Variants in ANKRD44 observed in about 807,000 individuals in gnomAD.
ANKRD44 encodes the protein ankyrin repeat domain 44, also known as serine/threonine-protein phosphatase 6 regulatory ankyrin repeat subunit B.
A neutral mutation model predicts 116.0 loss-of-function variants in ANKRD44; 35 were observed. That is an observed-to-expected ratio of 0.30 (90% CI 0.23 to 0.40). The LOEUF is 0.40. Ranked by LOEUF, ANKRD44 falls within the 10% of genes least tolerant of loss-of-function variation. ANKRD44 has a pLI of 1.00. For synonymous variants in ANKRD44, 435 were observed against 461.8 expected (o/e 0.94, Z 0.74); for missense variants, 1,014 against 1,242.6 (o/e 0.82, Z 2.77).
At chr2:197,213,833 C>CTT (rs2081379152) in intron 1 of ANKRD44, among the ~76,000 whole-genome samples, 2 of 152,020 alleles carry the variant, frequency 1.3e-5, no homozygotes, top group Admixed American at 1.3e-4. Context: ...GCTTAGAACT[C>CTT]TTTCTCTTTT....
intron 10 of ANKRD44, among the ~76,000 whole-genome samples, chr2:197,096,987 C>A (rs1479681402): frequency 6.6e-6 from 1 of 152,180 alleles, no homozygotes; most frequent in Non-Finnish European, 1.5e-5. Flanking sequence ...GCAGACATGG[C>A]TCTTTCAGGC....
At chr2:196,992,914 T>C (rs1324165484) in intron 27 of ANKRD44, 1 of 152,676 alleles carries the variant, frequency 6.5e-6, no homozygotes, top group Non-Finnish European at 1.5e-5. Context: ...GTTCCTTTTT[T>C]GCTCCCCAAG....
intron 16 of ANKRD44, among the ~76,000 whole-genome samples, chr2:197,036,905 T>C (rs1008563851): frequency 6.6e-6 from 1 of 152,206 alleles, no homozygotes; most frequent in African/African-American, 2.4e-5. Flanking sequence ...TAGTGAAACA[T>C]TATGAACAAC....
At chr2:197,184,426 G>A (rs2080598377) in intron 2 of ANKRD44, among the ~76,000 whole-genome samples, 1 of 152,068 alleles carries the variant, frequency 6.6e-6, no homozygotes, top group Admixed American at 6.5e-5. Context: ...CAGATCACCT[G>A]AGGTGAGGAG....
chr2:197,257,683 C>T (rs946527820), intron 1 of ANKRD44, among the ~76,000 whole-genome samples: 5 of 152,162 alleles, frequency 3.3e-5, no homozygotes, highest in African/African-American at 1.2e-4. Context: ...TGTATCAAAA[C>T]ATTTCATGTA....
chr2:197,276,465 C>T (rs183355303), intron 1 of ANKRD44, among the ~76,000 whole-genome samples: 4 of 151,474 alleles, frequency 2.6e-5, no homozygotes, highest in Admixed American at 2.6e-4. Context: ...ACTTTTTTGC[C>T]CTTATTTCTA....
At chr2:197,183,416 C>T (rs2697232) in intron 2 of ANKRD44, among the ~76,000 whole-genome samples, 85,893 of 151,986 alleles carry the variant, frequency 0.57, 28,206 homozygotes, top group East Asian at 0.88. Context: ...CATTTAAATA[C>T]ATGGTTATCA....
At chr2:197,187,141 A>C in intron 1 of ANKRD44, 35 bp from the exon 2 acceptor site, 1 of 1,588,926 alleles carries the variant, frequency 6.3e-7, no homozygotes, top group Non-Finnish European at 8.6e-7. Context: ...CAGAACTAAA[A>C]TTAATACATC....
intron 4 of ANKRD44, among the ~76,000 whole-genome samples, chr2:197,129,290 C>G (rs772935822): frequency 6.6e-6 from 1 of 152,116 alleles, no homozygotes; most frequent in Non-Finnish European, 1.5e-5. Flanking sequence ...TGCGCCACCA[C>G]GTCCAGCTAA....
rs1340355597 is a variant in ANKRD44 at position 197,199,723 on chromosome 2, G to C, written c.28-12617C>G. On this transcript the variant is annotated intron_variant, in intron 1 of 27. Coordinates refer to ENST00000282272, the MANE Select transcript of ANKRD44 (RefSeq NM_001195144.2). Reference sequence around the variant, plus strand: ...TGTAATCCAAGTAGTCTGGATTACAGATGCATACCACCATGCCTGGCTTAT... The same window carrying C: ...TGTAATCCAAGTAGTCTGGATTACACATGCATACCACCATGCCTGGCTTAT... 2.0e-5 allele frequency among the ~76,000 whole-genome samples: 3 copies of C among 152,268 alleles called. No homozygotes were observed. The East Asian group carries it at 5.8e-4, about 29-fold the overall frequency.
chr2:197,081,587 G>C (rs915849559), intron 15 of ANKRD44, 58 bp downstream of exon 15: 2 of 1,518,138 alleles, frequency 1.3e-6, no homozygotes, highest in African/African-American at 2.8e-5. Context: ...TGGCAACTCA[G>C]AAAAGCAGAA....
At chr2:197,309,993 A>G (rs1574492288) in intron 1 of ANKRD44, among the ~76,000 whole-genome samples, 2 of 152,268 alleles carry the variant, frequency 1.3e-5, no homozygotes, top group South Asian at 4.1e-4. Flanking sequence ...CCTCAGAGGG[A>G]CCGGCCCGAT....
At chr2:197,157,550 C>T (rs1294014819) in intron 2 of ANKRD44, among the ~76,000 whole-genome samples, 1 of 152,076 alleles carries the variant, frequency 6.6e-6, no homozygotes, top group Non-Finnish European at 1.5e-5. Flanking sequence ...TGGTGGCACA[C>T]ACCTGTAATC....
intron 1 of ANKRD44, among the ~76,000 whole-genome samples, chr2:197,207,851 G>A (rs374560671): frequency 3.3e-5 from 5 of 152,098 alleles, no homozygotes; most frequent in Admixed American, 6.5e-5. Flanking sequence ...AGACACATAC[G>A]AGTTCTTACA....
At chr2:197,287,122 C>T (rs1002454550) in intron 1 of ANKRD44, among the ~76,000 whole-genome samples, 5 of 152,018 alleles carry the variant, frequency 3.3e-5, no homozygotes, top group African/African-American at 4.8e-5. Flanking sequence ...GCAGGTTCAT[C>T]GATGGTAACA....
chr2:197,204,064 G>T (rs1452471784), intron 1 of ANKRD44, among the ~76,000 whole-genome samples: 1 of 152,056 alleles, frequency 6.6e-6, no homozygotes. Context: ...CTTTTAAAAT[G>T]GTTAAAATGG....
intron 21 of ANKRD44, among the ~76,000 whole-genome samples, chr2:196,970,841 A>G (rs765585824): frequency 2.6e-5 from 4 of 152,096 alleles, no homozygotes; most frequent in African/African-American, 9.7e-5. Context: ...AGCTGGGACT[A>G]CAGGCATATG....
chr2:197,257,284 T>C (rs2082473882), intron 1 of ANKRD44, among the ~76,000 whole-genome samples: 1 of 152,124 alleles, frequency 6.6e-6, no homozygotes, highest in African/African-American at 2.4e-5. Context: ...CTGGGAAAGC[T>C]AAATATTTAC....
chr2:197,004,331 A>T (rs1421101827), intron 21 of ANKRD44, among the ~76,000 whole-genome samples: 1 of 152,194 alleles, frequency 6.6e-6, no homozygotes, highest in Non-Finnish European at 1.5e-5. Context: ...CTAAGTGGAA[A>T]AAAACATCCT....
Sources: gnomAD v4.1 joint callset for allele counts (sites outside exome capture counted in the v4.1 genomes callset) on GRCh38, gnomAD v4.1.1 for gene constraint, MANE v1.5 for transcripts, NCBI Gene and HGNC (gene_info 2026-07-23, HGNC 2026-07-21) for gene names.